FAM13A: variants seen among roughly 807,000 people sequenced by gnomAD.
FAM13A encodes the protein family with sequence similarity 13 member A.
Under a neutral mutation model 129.6 loss-of-function variants are expected in FAM13A, and 76 were observed. The ratio of observed to expected loss-of-function variants is 0.59; its 90% CI spans 0.49 to 0.71. The LOEUF is 0.71. Among genes scored for constraint, FAM13A ranks in the 30% least tolerant of loss-of-function variants. The pLI, the probability that FAM13A is intolerant of heterozygous loss-of-function variation, is 0.00. For missense variants in FAM13A, 1,108 were observed against 1,249.3 expected (o/e 0.89, Z 1.70); for synonymous variants, 443 against 449.9 (o/e 0.98, Z 0.20).
chr4:88,781,457 A>G, intron 10 of FAM13A, 106 bp from the exon 11 acceptor site: 1 of 773,264 alleles, frequency 1.3e-6, no homozygotes, highest in Non-Finnish European at 2.0e-6. Flanking sequence ...GAGTGCCCAG[A>G]AATTCCAGTA....
intron 7 of FAM13A, among the ~76,000 whole-genome samples, chr4:88,818,382 T>C (rs1263273718): frequency 6.6e-6 from 1 of 152,130 alleles, no homozygotes; most frequent in African/African-American, 2.4e-5. Context: ...ACAATGAAAA[T>C]GACCTGCTCA....
intron 7 of FAM13A, among the ~76,000 whole-genome samples, chr4:88,830,626 T>C (rs1242407963): frequency 6.6e-6 from 1 of 152,210 alleles, no homozygotes; most frequent in African/African-American, 2.4e-5. Flanking sequence ...ATTCTGATGA[T>C]GTATCTTGCT....
At chr4:88,993,570 GA>G (rs1291684112) in intron 3 of FAM13A, among the ~76,000 whole-genome samples, 8 of 152,142 alleles carry the variant, frequency 5.3e-5, no homozygotes, top group African/African-American at 1.7e-4. Context: ...TAACATCTTT[GA>G]AAAAGCAGCA....
chr4:88,746,210 G>A (rs1051530140), intron 19 of FAM13A, among the ~76,000 whole-genome samples: 1 of 152,070 alleles, frequency 6.6e-6, no homozygotes. Context: ...GTTTTGTTAG[G>A]TCTCTGACAA....
At chr4:88,785,639 T>C (rs1723811160) in intron 10 of FAM13A, among the ~76,000 whole-genome samples, 1 of 152,078 alleles carries the variant, frequency 6.6e-6, no homozygotes, top group Non-Finnish European at 1.5e-5. Flanking sequence ...AGTGAAAGGA[T>C]AACAGAACCC....
chr4:88,731,610 C>A (rs1737812892), intron 22 of FAM13A, 182 bp from the exon 23 acceptor site: 2 of 554,984 alleles, frequency 3.6e-6, no homozygotes, highest in African/African-American at 3.8e-5. Context: ...AACATGCTGG[C>A]AACAGATCCA....
chr4:88,827,981 A>G (rs1208558508), intron 7 of FAM13A, among the ~76,000 whole-genome samples: 1 of 152,166 alleles, frequency 6.6e-6, no homozygotes, highest in African/African-American at 2.4e-5. Context: ...ACAACTCCAG[A>G]TATGCCTGGG....
At chr4:89,025,252 T>TTTTTG (rs1476697118) in intron 2 of FAM13A, among the ~76,000 whole-genome samples, 1 of 58,402 alleles carries the variant, frequency 1.7e-5, no homozygotes, top group Non-Finnish European at 3.1e-5. Flanking sequence ...ATTGTTTTTT[T>TTTTTG]TTTTTTTTTT....
chr4:88,943,706 G>A (rs535084543), intron 4 of FAM13A, among the ~76,000 whole-genome samples: 49 of 152,324 alleles, frequency 3.2e-4, no homozygotes, highest in Non-Finnish European at 6.2e-4. Flanking sequence ...TGGACTGCGT[G>A]AGAATTTCTA....
At chr4:88,923,873 A>G (rs1246858290) in intron 5 of FAM13A, among the ~76,000 whole-genome samples, 2 of 152,188 alleles carry the variant, frequency 1.3e-5, no homozygotes, top group Admixed American at 6.5e-5. Flanking sequence ...TACAAAATCA[A>G]TGTACGAAAA....
intron 7 of FAM13A, among the ~76,000 whole-genome samples, chr4:88,805,717 A>G (rs1578744364): frequency 6.6e-6 from 1 of 151,920 alleles, no homozygotes; most frequent in African/African-American, 2.4e-5. Flanking sequence ...TGGCCAGGCT[A>G]GAGTGCACTG....
intron 6 of FAM13A, among the ~76,000 whole-genome samples, chr4:88,870,502 G>T (rs181410581): frequency 2.0e-5 from 3 of 152,232 alleles, no homozygotes; most frequent in African/African-American, 7.2e-5. Context: ...GGCTTGGGGG[G>T]GGTCCCGCGC....
At chr4:88,912,908 G>C (rs1010186245) in intron 5 of FAM13A, among the ~76,000 whole-genome samples, 3 of 152,096 alleles carry the variant, frequency 2.0e-5, no homozygotes, top group Non-Finnish European at 4.4e-5. Flanking sequence ...TTGAGCCCAA[G>C]AGGTCCAGCC....
intron 4 of FAM13A, among the ~76,000 whole-genome samples, chr4:88,974,539 G>A (rs898505495): frequency 7.2e-5 from 11 of 151,970 alleles, no homozygotes; most frequent in African/African-American, 1.7e-4. Context: ...GTGTAATGGC[G>A]TGATCTTGGC....
chr4:88,737,686 C>CT, intron 20 of FAM13A, 131 bp from the exon 21 acceptor site: 1 of 740,790 alleles, frequency 1.3e-6, no homozygotes, highest in Non-Finnish European at 2.3e-6. Context: ...CTGCCAAACA[C>CT]TCCCAGGAAA....
rs750765087 is a variant in FAM13A, at chr4:88,851,075, A to C, written c.952T>G (p.Cys318Gly). 1.2e-6 allele frequency: 2 copies of C among 1,614,060 alleles called. No homozygotes were observed. The highest frequency in any genetic ancestry group is 1.7e-6 in the Non-Finnish European group (2 of 1,179,998). ...TCTGCTGAATTCATGTCTTCCAAGC[A>C]GGCTTTTCTATAACTTAGCCGCAAG... ...LSLRLSYRKA[C>G]LEDMNSAEGA... Residue 318 changes from cysteine to glycine, a missense_variant, in exon 7 of 24, where the codon TGC (cysteine) becomes GGC (glycine). Cys to Gly is a radical substitution (Grantham distance 159, BLOSUM62 -3). Transcript: ENST00000264344.
At chr4:88,972,050 A>G (rs1352647952) in intron 4 of FAM13A, among the ~76,000 whole-genome samples, 1 of 152,036 alleles carries the variant, frequency 6.6e-6, no homozygotes, top group Non-Finnish European at 1.5e-5. Context: ...ACACATATAT[A>G]TACATAATTA....
At chr4:89,026,344 T>C (rs909512499) in intron 2 of FAM13A, among the ~76,000 whole-genome samples, 10 of 152,230 alleles carry the variant, frequency 6.6e-5, no homozygotes, top group African/African-American at 2.4e-4. Context: ...TTTGAATAAA[T>C]CCAGAGCTGT....
At chr4:88,926,713 T>A (rs1752242095) in intron 5 of FAM13A, among the ~76,000 whole-genome samples, 1 of 152,292 alleles carries the variant, frequency 6.6e-6, no homozygotes, top group Middle Eastern at 3.4e-3. Context: ...ATGAGTATGA[T>A]CTAAAAATTG....
Sources: gnomAD v4.1 joint callset for allele counts (sites outside exome capture counted in the v4.1 genomes callset) on GRCh38, gnomAD v4.1.1 for gene constraint, MANE v1.5 for transcripts, NCBI Gene and HGNC (gene_info 2026-07-23, HGNC 2026-07-21) for gene names.